The following CNTN1 variants were observed in gnomAD, a reference collection of about 807,000 sequenced individuals.
The protein encoded by CNTN1 is contactin 1.
A neutral mutation model predicts 126.4 loss-of-function variants in CNTN1; 38 were observed. The observed-to-expected ratio is 0.30, with a 90% CI of 0.23 to 0.39. CNTN1 has a LOEUF of 0.39. Among genes scored for constraint, CNTN1 ranks in the 10% least tolerant of loss-of-function variants. CNTN1 has a pLI of 1.00. For missense variants in CNTN1, 1,009 were observed against 1,248.4 expected, an observed-to-expected ratio of 0.81 and a Z score of 2.89; for synonymous variants, 413 against 422.6, an observed-to-expected ratio of 0.98 and a Z score of 0.28.
At chr12:40,891,015 A>T (rs1257898878) in intron 1 of CNTN1, among the ~76,000 whole-genome samples, 1 of 152,174 alleles carries the variant, frequency 6.6e-6, no homozygotes, top group African/African-American at 2.4e-5. Context: ...GAGGATATGG[A>T]ACAGCAGGAA....
intron 1 of CNTN1, among the ~76,000 whole-genome samples, chr12:40,871,474 CA>C (rs1216305435): frequency 6.6e-6 from 1 of 151,966 alleles, no homozygotes; most frequent in East Asian, 1.9e-4. Flanking sequence ...AAATATGGGG[CA>C]AAGTGGTTGG....
intron 19 of CNTN1, among the ~76,000 whole-genome samples, chr12:41,018,696 ATG>A (rs150221206): frequency 5.6e-4 from 84 of 149,852 alleles, no homozygotes; most frequent in African/African-American, 1.5e-3. Context: ...ATTTTAATAT[ATG>A]TGTGTGTGTG....
chr12:41,039,553 G>A (rs1949348905), intron 23 of CNTN1, among the ~76,000 whole-genome samples: 1 of 152,146 alleles, frequency 6.6e-6, no homozygotes, highest in African/African-American at 2.4e-5. Flanking sequence ...GACAAGCTGA[G>A]TTCAATATGC....
At chr12:40,751,791 G>A (rs10506173) in intron 1 of CNTN1, among the ~76,000 whole-genome samples, 21,379 of 151,974 alleles carry the variant, frequency 0.14, 1,729 homozygotes, top group African/African-American at 0.22. Context: ...GCTAAGTAGC[G>A]ATAACATCTA....
intron 1 of CNTN1, among the ~76,000 whole-genome samples, chr12:40,826,349 T>C (rs1474838123): frequency 6.6e-6 from 1 of 152,118 alleles, no homozygotes; most frequent in Non-Finnish European, 1.5e-5. Context: ...ATATTACTCA[T>C]AGAAGAGAGA....
intron 23 of CNTN1, among the ~76,000 whole-genome samples, chr12:41,048,108 A>G (rs1949585793): frequency 1.3e-5 from 2 of 152,130 alleles, no homozygotes; most frequent in African/African-American, 2.4e-5. Context: ...TCACTTGGCT[A>G]AAGGAGTGGA....
At chr12:40,960,225 T>G (rs1024915868) in intron 15 of CNTN1, among the ~76,000 whole-genome samples, 2 of 146,536 alleles carry the variant, frequency 1.4e-5, no homozygotes, top group Non-Finnish European at 3.0e-5. Flanking sequence ...TTCATATATG[T>G]TTTTTTTTTA....
chr12:40,936,717 C>T (rs1946092494), intron 9 of CNTN1, 64 bp from the exon 10 acceptor site: 4 of 1,585,724 alleles, frequency 2.5e-6, no homozygotes, highest in Non-Finnish European at 3.5e-6. Flanking sequence ...AATATTTATA[C>T]TCTGGAGATT....
chr12:40,886,501 C>A (rs1255873852), intron 1 of CNTN1, among the ~76,000 whole-genome samples: 1 of 152,176 alleles, frequency 6.6e-6, no homozygotes, highest in Non-Finnish European at 1.5e-5. Context: ...CAAAAATTTT[C>A]TCCCATCTTG....
intron 23 of CNTN1, among the ~76,000 whole-genome samples, chr12:41,043,618 A>C (rs951733550): frequency 6.6e-6 from 1 of 152,116 alleles, no homozygotes; most frequent in African/African-American, 2.4e-5. Context: ...AGAACTAGAA[A>C]TACCATTTGA....
chr12:40,785,079 C>T (rs73112639), intron 1 of CNTN1, among the ~76,000 whole-genome samples: 5,849 of 152,088 alleles, frequency 0.038, 400 homozygotes, highest in African/African-American at 0.13. Context: ...CTAACAAAAG[C>T]ATGACAGGAG....
chr12:40,941,741 G>T (rs1265733330), intron 12 of CNTN1, among the ~76,000 whole-genome samples: 1 of 151,968 alleles, frequency 6.6e-6, no homozygotes, highest in African/African-American at 2.4e-5. Context: ...TTATTCTGGA[G>T]TAATTTTGGT....
At chr12:40,956,636 C>A (rs527599961) in intron 14 of CNTN1, among the ~76,000 whole-genome samples, 1 of 152,090 alleles carries the variant, frequency 6.6e-6, no homozygotes, top group South Asian at 2.1e-4. Context: ...AGAGAATGTT[C>A]TGCCTGGAGA....
At chr12:40,934,770 A>G (rs1277762578) in intron 9 of CNTN1, among the ~76,000 whole-genome samples, 1 of 151,996 alleles carries the variant, frequency 6.6e-6, no homozygotes, top group Non-Finnish European at 1.5e-5. Flanking sequence ...TTGCACTCCA[A>G]CATGATTTGC....
chr12:40,746,949 C>CT (rs1238285479), intron 1 of CNTN1, among the ~76,000 whole-genome samples: 1 of 151,978 alleles, frequency 6.6e-6, no homozygotes, highest in African/African-American at 2.4e-5. Context: ...CCAATTATTA[C>CT]TTTAGAGAGG....
chr12:40,711,393 CA>C (rs1249569413), intron 1 of CNTN1, among the ~76,000 whole-genome samples: 1 of 152,122 alleles, frequency 6.6e-6, no homozygotes, highest in Non-Finnish European at 1.5e-5. Flanking sequence ...CAATTTTGGT[CA>C]AGTCTTCTTT....
intron 16 of CNTN1, among the ~76,000 whole-genome samples, chr12:40,982,673 T>C (rs534294980): frequency 1.1e-3 from 168 of 152,168 alleles, no homozygotes; most frequent in Non-Finnish European, 1.9e-3. Context: ...ATGCAGTATG[T>C]ATAGGTGAGT....
chr12:40,989,052 A>C (rs2120465713), intron 16 of CNTN1, among the ~76,000 whole-genome samples: 1 of 152,312 alleles, frequency 6.6e-6, no homozygotes, highest in African/African-American at 2.4e-5. Context: ...AACTTGGCTG[A>C]AGAAAAAGGA....
chr12:40,750,658 A>G (rs1328409921), intron 1 of CNTN1, among the ~76,000 whole-genome samples: 1 of 152,086 alleles, frequency 6.6e-6, no homozygotes, highest in Non-Finnish European at 1.5e-5. Flanking sequence ...ATAAAAAATA[A>G]AAAATAAATT....
Sources: allele counts gnomAD v4.1 joint callset (sites outside exome capture counted in the v4.1 genomes callset), GRCh38; gene constraint gnomAD v4.1.1; transcripts MANE v1.5; gene names NCBI Gene and HGNC (gene_info 2026-07-23, HGNC 2026-07-21).